GLG1: variants seen among roughly 807,000 people sequenced by gnomAD.
GLG1 encodes the protein golgi glycoprotein 1.
In GLG1, 38 loss-of-function variants were observed where a neutral mutation model predicts 160.5. The observed-to-expected ratio is 0.24, with a 90% CI of 0.18 to 0.31. GLG1 has a LOEUF of 0.31. Among genes scored for constraint, GLG1 ranks in the 10% least tolerant of loss-of-function variants. GLG1 has a pLI of 1.00. For synonymous variants in GLG1, 644 were observed against 543.4 expected (o/e 1.19, Z -2.57); for missense variants, 1,373 against 1,505.2 (o/e 0.91, Z 1.45).
intron 1 of GLG1, among the ~76,000 whole-genome samples, chr16:74,562,882 G>C (rs2018547506): frequency 6.6e-6 from 1 of 152,146 alleles, no homozygotes; most frequent in South Asian, 2.1e-4. Flanking sequence ...CACTGCCCTT[G>C]TTACCCACAA....
chr16:74,585,184 G>A (rs1958020922), intron 1 of GLG1, among the ~76,000 whole-genome samples: 1 of 152,120 alleles, frequency 6.6e-6, no homozygotes, highest in Non-Finnish European at 1.5e-5. Flanking sequence ...AAGGCAGGCA[G>A]ATCACCTGAG....
chr16:74,530,434 T>C (rs1196046822), intron 2 of GLG1, among the ~76,000 whole-genome samples: 1 of 152,200 alleles, frequency 6.6e-6, no homozygotes, highest in African/African-American at 2.4e-5. Context: ...GTAGTCACTG[T>C]TGCAGTTACT....
intron 20 of GLG1, 32 bp from the exon 21 acceptor site, chr16:74,462,662 A>C: frequency 6.2e-7 from 1 of 1,609,508 alleles, no homozygotes; most frequent in Non-Finnish European, 8.5e-7. Context: ...ATGTGACAAA[A>C]CATTCCACCT....
intron 14 of GLG1, among the ~76,000 whole-genome samples, chr16:74,472,101 T>C (rs528244069): frequency 6.6e-6 from 1 of 152,248 alleles, no homozygotes; most frequent in East Asian, 1.9e-4. Flanking sequence ...AGACAGAGTT[T>C]TGCCATGTTG....
chr16:74,562,888 C>T (rs1478737784), intron 1 of GLG1, among the ~76,000 whole-genome samples: 1 of 152,140 alleles, frequency 6.6e-6, no homozygotes, highest in Non-Finnish European at 1.5e-5. Context: ...CCTTGTTACC[C>T]ACAATGAAGC....
chr16:74,570,011 G>A (rs1226875195), intron 1 of GLG1, among the ~76,000 whole-genome samples: 4 of 147,718 alleles, frequency 2.7e-5, no homozygotes, highest in Admixed American at 6.8e-5. Context: ...AGCAAACCCC[G>A]TCTCAAAAAA....
At chr16:74,482,979 A>C in intron 10 of GLG1, 44 bp downstream of exon 10, 1 of 977,808 alleles carries the variant, frequency 1.0e-6, no homozygotes. Flanking sequence ...TACACAGGAG[A>C]AGAGGCTGAG....
intron 1 of GLG1, among the ~76,000 whole-genome samples, chr16:74,600,362 C>T (rs559531758): frequency 1.3e-5 from 2 of 151,012 alleles, no homozygotes; most frequent in South Asian, 4.2e-4. Context: ...CACTGCACTC[C>T]AGCCAGCCTG....
chr16:74,471,685 GGAA>G (rs2015213321), intron 14 of GLG1, among the ~76,000 whole-genome samples: 1 of 152,054 alleles, frequency 6.6e-6, no homozygotes, highest in African/African-American at 2.4e-5. Context: ...GGAGACAGTT[GGAA>G]GAAGGAGCCA....
intron 15 of GLG1, among the ~76,000 whole-genome samples, chr16:74,470,466 T>C (rs113307390): frequency 0.12 from 16,859 of 145,214 alleles, 1,295 homozygotes; most frequent in Admixed American, 0.21. Context: ...TTTTTTTTTT[T>C]TGACAGAGCC....
intron 2 of GLG1, among the ~76,000 whole-genome samples, chr16:74,519,488 A>T (rs902677891): frequency 3.3e-5 from 5 of 152,088 alleles, no homozygotes; most frequent in Middle Eastern, 3.4e-3. Context: ...TATAATAATT[A>T]AAAAAAAGTA....
intron 3 of GLG1, 26 bp downstream of exon 3, chr16:74,508,813 G>A (rs2016703622): frequency 2.1e-6 from 2 of 941,304 alleles, no homozygotes; most frequent in South Asian, 2.6e-5. Context: ...GCCATTAGTT[G>A]TCTACAAAAT....
chr16:74,517,729 G>C (rs1345270080), intron 2 of GLG1, among the ~76,000 whole-genome samples: 1 of 152,150 alleles, frequency 6.6e-6, no homozygotes, highest in Non-Finnish European at 1.5e-5. Context: ...GCAATAAAGG[G>C]TATTCAAATA....
intron 2 of GLG1, among the ~76,000 whole-genome samples, chr16:74,524,244 A>T (rs976493649): frequency 1.3e-5 from 2 of 152,080 alleles, no homozygotes; most frequent in African/African-American, 4.8e-5. Flanking sequence ...ATGACAGCTC[A>T]ATTTTTTCCT....
In GLG1 at chr16:74,524,410, C is replaced by T. The variant is rs192538069; in HGVS notation, c.471+7711G>A. Among the ~76,000 whole-genome samples, 16 of 152,020 alleles carry T rather than the reference C, an allele frequency of 1.1e-4. 1 individual carries two copies. The highest frequency in any genetic ancestry group is 1.5e-4 in the Non-Finnish European group (10 of 67,994). ...CTTGCTGTAGGCCTTTTTATAGACA[C>T]GTTTTATCAGATTAAATAAATTCCC... On this transcript the variant is annotated intron_variant, in intron 2 of 25. Transcript: ENST00000422840.
intron 4 of GLG1, among the ~76,000 whole-genome samples, chr16:74,502,448 A>G (rs1004098186): frequency 1.3e-5 from 2 of 152,218 alleles, no homozygotes; most frequent in African/African-American, 4.8e-5. Context: ...TCACATTTAG[A>G]GAGGACTTTT....
At chr16:74,493,220 C>T (rs935628739) in intron 6 of GLG1, 80 bp from the exon 7 acceptor site, 37 of 870,940 alleles carry the variant, frequency 4.2e-5, no homozygotes, top group African/African-American at 6.8e-5. Context: ...ATGAGCACAG[C>T]GACTCAGCCA....
chr16:74,536,562 G>A (rs1370219253), intron 1 of GLG1, among the ~76,000 whole-genome samples: 2 of 152,152 alleles, frequency 1.3e-5, no homozygotes, highest in Non-Finnish European at 2.9e-5. Flanking sequence ...ACTTGAGATA[G>A]GCCTAAAGAA....
intron 1 of GLG1, among the ~76,000 whole-genome samples, chr16:74,540,729 G>C (rs1462068674): frequency 2.6e-5 from 4 of 151,474 alleles, no homozygotes; most frequent in South Asian, 2.1e-4. Context: ...CTAAATTATG[G>C]GGGAAGGAAA....
Sources: allele counts gnomAD v4.1 joint callset (sites outside exome capture counted in the v4.1 genomes callset), GRCh38; gene constraint gnomAD v4.1.1; transcripts MANE v1.5; gene names NCBI Gene and HGNC (gene_info 2026-07-23, HGNC 2026-07-21).